The following VTI1A variants were observed in gnomAD, a reference collection of about 807,000 sequenced individuals.
The protein encoded by VTI1A is vesicle transport through interaction with t-SNAREs 1A.
A neutral mutation model predicts 34.9 loss-of-function variants in VTI1A; 22 were observed. That is an observed-to-expected ratio of 0.63 (90% CI 0.45 to 0.90). VTI1A has a LOEUF of 0.90. Ranked by LOEUF, VTI1A falls within the 40% of genes least tolerant of loss-of-function variation. The pLI, the probability that VTI1A is intolerant of heterozygous loss-of-function variation, is 0.00. For missense variants in VTI1A, 268 were observed against 275.6 expected (o/e 0.97, Z 0.20); for synonymous variants, 87 against 97.3 (o/e 0.89, Z 0.62).
chr10:112,503,680 A>G (rs1054377687), intron 3 of VTI1A, among the ~76,000 whole-genome samples: 2 of 152,186 alleles, frequency 1.3e-5, no homozygotes, highest in Non-Finnish European at 2.9e-5. Flanking sequence ...ATTCTTGTGG[A>G]GTATATGATA....
intron 1 of VTI1A, among the ~76,000 whole-genome samples, chr10:112,459,878 A>G (rs1241732617): frequency 2.0e-5 from 3 of 152,206 alleles, no homozygotes; most frequent in African/African-American, 7.2e-5. Context: ...TTTCACTTGC[A>G]TCAAGCTTAT....
At chr10:112,672,692 AT>A (rs1276590461) in intron 7 of VTI1A, 1 of 152,110 alleles carries the variant, frequency 6.6e-6, no homozygotes, top group African/African-American at 2.4e-5. Context: ...ATATGTGTGT[AT>A]TTATGTGTGT....
At chr10:112,636,468 GTAAT>G (rs1257967130) in intron 5 of VTI1A, among the ~76,000 whole-genome samples, 1 of 152,142 alleles carries the variant, frequency 6.6e-6, no homozygotes, top group Non-Finnish European at 1.5e-5. Flanking sequence ...GCTCATGCCA[GTAAT>G]ACCAGCACTT....
chr10:112,778,802 A>AT (rs1736951017), intron 7 of VTI1A, among the ~76,000 whole-genome samples: 1 of 152,074 alleles, frequency 6.6e-6, no homozygotes, highest in South Asian at 2.1e-4. Flanking sequence ...CTTATCAGAC[A>AT]TTTTTTTGTC....
chr10:112,736,797 T>G, intron 7 of VTI1A: 1 of 1,436,832 alleles, frequency 7.0e-7, no homozygotes, highest in Admixed American at 2.0e-5. Context: ...CAGTGGAAAT[T>G]ACTCAAACAC....
intron 7 of VTI1A, among the ~76,000 whole-genome samples, chr10:112,740,922 C>A (rs1590138183): frequency 1.3e-5 from 2 of 152,248 alleles, no homozygotes; most frequent in Middle Eastern, 6.8e-3. Context: ...TAGAAGCAAC[C>A]CAAATGTCCA....
At chr10:112,594,938 G>A (rs1300565915) in intron 5 of VTI1A, among the ~76,000 whole-genome samples, 1 of 148,780 alleles carries the variant, frequency 6.7e-6, no homozygotes, top group Admixed American at 6.6e-5. Context: ...AACCAAACCA[G>A]CATGGTACTG....
rs76258206 is a variant in VTI1A, at chr10:112,558,236, G to A, written c.427+19906G>A. ...GGACTGGGCTTCATCCCAAGGAAGT[G>A]AAAATCCAGTAGTATTTACAGTAGA... On this transcript the variant is annotated intron_variant, in intron 5 of 7. Transcript: ENST00000393077. Among the ~76,000 whole-genome samples, 355 of 152,266 alleles carry A rather than the reference G, an allele frequency of 2.3e-3. 9 individuals carry two copies. The East Asian group carries it at 0.062, about 27-fold the overall frequency.
chr10:112,641,939 T>C (rs571256146), intron 5 of VTI1A, among the ~76,000 whole-genome samples: 2 of 152,302 alleles, frequency 1.3e-5, no homozygotes, highest in South Asian at 2.1e-4. Flanking sequence ...CAGGGTACCA[T>C]TGAGCAGAAA....
chr10:112,511,885 G>A (rs1240977535), intron 3 of VTI1A, among the ~76,000 whole-genome samples: 2 of 152,134 alleles, frequency 1.3e-5, no homozygotes, highest in South Asian at 2.1e-4. Flanking sequence ...TGTTGCTGCA[G>A]ATGACATATT....
intron 5 of VTI1A, among the ~76,000 whole-genome samples, chr10:112,593,216 G>T (rs1844463143): frequency 6.6e-6 from 1 of 152,210 alleles, no homozygotes; most frequent in South Asian, 2.1e-4. Flanking sequence ...AATGACTGGT[G>T]CAGGGGCCCC....
intron 3 of VTI1A, among the ~76,000 whole-genome samples, chr10:112,514,226 C>T (rs1849701917): frequency 1.3e-5 from 2 of 152,004 alleles, no homozygotes; most frequent in East Asian, 1.9e-4. Context: ...TTCCTTCCTA[C>T]TTCAGTCTTG....
At chr10:112,814,048 G>A (rs1853420159) in intron 7 of VTI1A, among the ~76,000 whole-genome samples, 1 of 152,214 alleles carries the variant, frequency 6.6e-6, no homozygotes, top group African/African-American at 2.4e-5. Context: ...GGGGATGGGT[G>A]AGGAGGAATC....
chr10:112,660,309 A>T (rs1847400952), intron 5 of VTI1A, among the ~76,000 whole-genome samples: 1 of 152,186 alleles, frequency 6.6e-6, no homozygotes, highest in South Asian at 2.1e-4. Flanking sequence ...CCTGTTGGCC[A>T]GGATGATCTC....
chr10:112,850,802 G>A, the VTI1A span, among the ~76,000 whole-genome samples: 4 of 152,138 alleles, frequency 2.6e-5, no homozygotes, highest in East Asian at 1.9e-4. Context: ...CAACACCAGC[G>A]CCTTCTTGGC....
chr10:112,657,677 A>G (rs1465936778), intron 5 of VTI1A, among the ~76,000 whole-genome samples: 1 of 152,252 alleles, frequency 6.6e-6, no homozygotes, highest in South Asian at 2.1e-4. Flanking sequence ...TACAGGGACA[A>G]ATCTTCATTG....
At chr10:112,645,907 C>T (rs1025438435) in intron 5 of VTI1A, among the ~76,000 whole-genome samples, 3 of 146,852 alleles carry the variant, frequency 2.0e-5, no homozygotes, top group Admixed American at 6.8e-5. Context: ...GTATGCCAGG[C>T]ATTATATGGA....
intron 3 of VTI1A, among the ~76,000 whole-genome samples, chr10:112,511,203 T>G (rs1030976653): frequency 3.9e-5 from 6 of 152,090 alleles, no homozygotes; most frequent in African/African-American, 1.4e-4. Context: ...CATTTGCTTA[T>G]TTATTTATTT....
At chr10:112,682,131 T>G (rs1848236845) in intron 7 of VTI1A, among the ~76,000 whole-genome samples, 1 of 152,192 alleles carries the variant, frequency 6.6e-6, no homozygotes, top group African/African-American at 2.4e-5. Flanking sequence ...AAAAGAACAT[T>G]TTATTTATTC....
Sources: allele counts gnomAD v4.1 joint callset (sites outside exome capture counted in the v4.1 genomes callset), GRCh38; gene constraint gnomAD v4.1.1; transcripts MANE v1.5; gene names NCBI Gene and HGNC (gene_info 2026-07-23, HGNC 2026-07-21).